Variants in LRP1B observed in about 807,000 individuals in gnomAD.
LRP1B encodes LDL receptor related protein 1B.
In LRP1B, 217 loss-of-function variants were observed where a neutral mutation model predicts 556.6. The ratio of observed to expected loss-of-function variants is 0.39; its 90% CI spans 0.35 to 0.44. The LOEUF (loss-of-function observed/expected upper bound fraction) is 0.44, where lower values mean the gene tolerates loss of function less well. LRP1B is among the 20% of genes least tolerant of loss of function. The pLI, the probability that LRP1B is intolerant of heterozygous loss-of-function variation, is 1.00. For synonymous variants in LRP1B, 2,047 were observed against 1,865.8 expected (o/e 1.10, Z -2.50); for missense variants, 5,053 against 5,620.8 (o/e 0.90, Z 3.23).
intron 49 of LRP1B, among the ~76,000 whole-genome samples, chr2:140,519,019 A>C (rs1055045057): frequency 1.3e-5 from 2 of 152,170 alleles, no homozygotes; most frequent in Non-Finnish European, 2.9e-5. Context: ...CAATATCATA[A>C]AACTGGCCAT....
At chr2:141,965,745 A>G (rs1165504001) in intron 1 of LRP1B, among the ~76,000 whole-genome samples, 2 of 127,446 alleles carry the variant, frequency 1.6e-5, no homozygotes, top group East Asian at 5.3e-4. Flanking sequence ...TTAAAGTAGA[A>G]TTAAAAAAAA....
intron 3 of LRP1B, among the ~76,000 whole-genome samples, chr2:141,437,688 C>T (rs147794883): frequency 5.6e-4 from 85 of 151,936 alleles, no homozygotes; most frequent in Middle Eastern, 6.8e-3. Flanking sequence ...TATTGAGAAT[C>T]GTCATGAGAG....
At chr2:140,421,554 A>T (rs1685445144) in intron 66 of LRP1B, among the ~76,000 whole-genome samples, 2 of 152,200 alleles carry the variant, frequency 1.3e-5, no homozygotes, top group Admixed American at 6.5e-5. Context: ...CATGTTATTT[A>T]AAAAAGTTTA....
chr2:140,524,076 C>T (rs1434600186), intron 49 of LRP1B, among the ~76,000 whole-genome samples: 1 of 150,824 alleles, frequency 6.6e-6, no homozygotes, highest in African/African-American at 2.4e-5. Flanking sequence ...ATGTATCTGG[C>T]AAAGAAAAAA....
intron 31 of LRP1B, among the ~76,000 whole-genome samples, chr2:140,824,298 T>C (rs989115240): frequency 6.6e-6 from 1 of 152,098 alleles, no homozygotes; most frequent in African/African-American, 2.4e-5. Flanking sequence ...TCTGGTTTAA[T>C]CTATATGAGG....
chr2:140,530,447 A>G (rs953930904), intron 47 of LRP1B, among the ~76,000 whole-genome samples: 3 of 152,064 alleles, frequency 2.0e-5, no homozygotes, highest in African/African-American at 7.2e-5. Flanking sequence ...CATTTGCATA[A>G]TATAAGTCTT....
At position 142,088,991 on chromosome 2, in the gene LRP1B, A is replaced by G. The variant is rs1406868367; in HGVS notation, c.82+41657T>C. 5.3e-3 allele frequency among the ~76,000 whole-genome samples: 210 copies of G among 39,920 alleles called. 1 individual carries two copies. The highest frequency in any genetic ancestry group is 0.013 in the African/African-American group (188 of 14,488). The allele number at this position is 39,920 out of a possible 152,430, so 26.2% of individuals were successfully genotyped here. A position where few individuals can be genotyped will look rare whatever the true frequency, so the allele number is the denominator to read the frequency against. ...CTCCGTCTCAAAAAAAAAAAAAAAAAAAAAAGAAAAAGAAAAAGTTACTGA... is the reference window on the plus strand; with the variant it reads ...CTCCGTCTCAAAAAAAAAAAAAAAAGAAAAAGAAAAAGAAAAAGTTACTGA... On this transcript the variant is annotated intron_variant, in intron 1 of 90. Transcript: ENST00000389484.
chr2:141,150,646 G>A (rs1422381982), intron 7 of LRP1B, among the ~76,000 whole-genome samples: 1 of 152,080 alleles, frequency 6.6e-6, no homozygotes, highest in Non-Finnish European at 1.5e-5. Context: ...GTGAAAAAAA[G>A]TAATGAATTA....
At chr2:140,607,820 T>A (rs1682926329) in intron 41 of LRP1B, among the ~76,000 whole-genome samples, 1 of 152,042 alleles carries the variant, frequency 6.6e-6, no homozygotes, top group South Asian at 2.1e-4. Context: ...GAGACTACCT[T>A]ATTAGAATGC....
chr2:140,246,419 CTT>C (rs1466548866), intron 87 of LRP1B, among the ~76,000 whole-genome samples: 2 of 151,330 alleles, frequency 1.3e-5, no homozygotes, highest in East Asian at 3.9e-4. Context: ...TTTTGAAAAA[CTT>C]TATAACATCA....
At chr2:141,525,356 A>T (rs909981853) in intron 2 of LRP1B, among the ~76,000 whole-genome samples, 1 of 152,038 alleles carries the variant, frequency 6.6e-6, no homozygotes, top group African/African-American at 2.4e-5. Context: ...TCTAGGAATT[A>T]TACCTGGGTA....
intron 20 of LRP1B, among the ~76,000 whole-genome samples, chr2:140,941,401 G>A (rs1695398350): frequency 6.6e-6 from 1 of 152,124 alleles, no homozygotes; most frequent in South Asian, 2.1e-4. Flanking sequence ...GGTACCATGG[G>A]TGAAGAAGGA....
chr2:141,704,926 C>T (rs75819875), intron 2 of LRP1B, among the ~76,000 whole-genome samples: 12,169 of 151,844 alleles, frequency 0.08, 873 homozygotes, highest in African/African-American at 0.18. Context: ...AAATTGAGTC[C>T]CTTATATCCT....
rs1490784933 is a variant in LRP1B, at chr2:141,254,543, C to T, written c.442G>A (p.Glu148Lys). The change falls in exon 4 of 91, where the codon GAA becomes AAA. Residue 148 changes from glutamate (E) to lysine (K), a missense_variant. Coordinates refer to ENST00000389484, the MANE Select transcript of LRP1B (RefSeq NM_018557.3). ...CYCEDGFEIT[E>K]DGRSCKDQDE... The stretch of plus-strand genomic sequence containing the variant: ...TTACCTTTACAGCTTCTCCCATCTT[C>T]TGTTATTTCGAATCCATCCTCACAG... 1 of 1,612,046 alleles carries T rather than the reference C, an allele frequency of 6.2e-7. No homozygotes were observed.
At chr2:141,939,956 C>T (rs948719929) in intron 1 of LRP1B, among the ~76,000 whole-genome samples, 2 of 152,012 alleles carry the variant, frequency 1.3e-5, no homozygotes, top group African/African-American at 2.4e-5. Context: ...CACTATGTCA[C>T]ATTATATGCA....
At chr2:140,766,841 ATAT>A (rs199503382) in intron 35 of LRP1B, among the ~76,000 whole-genome samples, 406 of 15,798 alleles carry the variant, frequency 0.026, 8 homozygotes, top group East Asian at 0.067. Flanking sequence ...ATATATATAT[ATAT>A]TATATATATA....
At chr2:140,514,316 A>T (rs1376155409) in intron 51 of LRP1B, among the ~76,000 whole-genome samples, 1 of 151,944 alleles carries the variant, frequency 6.6e-6, no homozygotes, top group East Asian at 1.9e-4. Flanking sequence ...TTGGTGGTAC[A>T]TAGGCAGCAT....
At chr2:142,130,484 G>T (rs922166495) in intron 1 of LRP1B, among the ~76,000 whole-genome samples, 164 bp downstream of exon 1, 5 of 152,166 alleles carry the variant, frequency 3.3e-5, no homozygotes, top group African/African-American at 1.2e-4. Context: ...CAGAAATCCC[G>T]CACCGCACCT....
chr2:141,650,861 CTTAA>C (rs1183029893), intron 2 of LRP1B, among the ~76,000 whole-genome samples: 1 of 152,160 alleles, frequency 6.6e-6, no homozygotes, highest in African/African-American at 2.4e-5. Flanking sequence ...TCTCATTCTA[CTTAA>C]TTTATAGTTT....
Sources: allele counts gnomAD v4.1 joint callset (sites outside exome capture counted in the v4.1 genomes callset), GRCh38; gene constraint gnomAD v4.1.1; transcripts MANE v1.5; gene names NCBI Gene and HGNC (gene_info 2026-07-23, HGNC 2026-07-21).